Variants in NLRP6 observed in about 807,000 individuals in gnomAD.
The protein encoded by NLRP6 is NLR family pyrin domain containing 6.
Under a neutral mutation model 70.9 loss-of-function variants are expected in NLRP6, and 55 were observed. That is an observed-to-expected ratio of 0.78 (90% confidence interval 0.62 to 0.97). The LOEUF is 0.97. Among genes scored for constraint, NLRP6 ranks in the 50% least tolerant of loss-of-function variants. The probability of loss-of-function intolerance (pLI) is 0.00; values close to 1 mark genes in which losing one functional copy is unlikely to be tolerated. For synonymous variants in NLRP6, 652 were observed against 581.9 expected, an observed-to-expected ratio of 1.12 and a Z score of -1.73; for missense variants, 1,241 against 1,238.3, an observed-to-expected ratio of 1.00 and a Z score of -0.03.
rs764184179 is a variant in NLRP6, at chr11:279,910, C to A, written c.349+38C>A. On this transcript the variant is annotated intron_variant, in intron 3 of 7. Transcript: ENST00000534750. ...CTGGGGGGGCACGAGTGTCCCCAAC[C>A]CCACTTGGAGGGTCCCGGGGAGGAC... 11 of 1,490,650 alleles carry A rather than the reference C, an allele frequency of 7.4e-6. No homozygotes were observed. The African/African-American group carries it at 1.3e-4, about 18-fold the overall frequency. The allele number at this position is 1,490,650 out of a possible 1,614,324, so 92.3% of individuals were successfully genotyped here. A position where few individuals can be genotyped will look rare whatever the true frequency, so the allele number is the denominator to read the frequency against.
rs374154601 is a variant in NLRP6, at chr11:284,278, G to C, written c.2247G>C (p.Glu749Asp). The change falls in exon 6 of 8, where the codon GAG (glutamate) becomes GAC (aspartate). Residue 749 changes from glutamate (E) to aspartate (D), a missense_variant. Physicochemically the swap from Glu to Asp is conservative, Grantham distance 45. Coordinates refer to ENST00000534750, the MANE Select transcript of NLRP6 (RefSeq NM_001276700.2). ...LPDAVCRDLSEALRAAPALTE... is the reference protein window; with the variant it reads ...LPDAVCRDLSDALRAAPALTE... ...ACGCGGTCTGCCGAGACCTTTCTGA[G>C]GCCCTGAGGGCAGCCCCCGCACTGA... 1 of 1,612,950 alleles carries C rather than the reference G, an allele frequency of 6.2e-7. No homozygotes were observed. The highest frequency in any genetic ancestry group is 1.3e-5 in the African/African-American group (1 of 74,926).
At position 280,826 on chromosome 11, in the gene NLRP6, T is replaced by G; in HGVS notation, c.1092T>G (p.Asp364Glu). 2 of 1,612,932 alleles carry G rather than the reference T, an allele frequency of 1.2e-6. No homozygotes were observed. Among genetic ancestry groups the G allele is most frequent in the Non-Finnish European group, 1.7e-6 (2 of 1,179,794 alleles). The change falls in exon 4 of 8, where the codon GAT becomes GAG. Residue 364 changes from aspartate to glutamate, a missense_variant. Transcript: ENST00000534750. Reference sequence around the variant, plus strand: ...AGTATTTCTACAAGTATTTCCGGGATGAGAGGAGGGCCGAGCGCGCCTACC... The same window carrying G: ...AGTATTTCTACAAGTATTTCCGGGAGGAGAGGAGGGCCGAGCGCGCCTACC... ...KKKYFYKYFR[D>E]ERRAERAYRF...
At position 280,163 on chromosome 11, in the gene NLRP6, C is replaced by A. The variant is rs1845446657; in HGVS notation, c.429C>A (p.Ile143=). 1 of 1,551,012 alleles carries A rather than the reference C, an allele frequency of 6.4e-7. No homozygotes were observed. The highest frequency in any genetic ancestry group is 2.0e-5 in the Admixed American group (1 of 51,064). Residue 143 remains isoleucine (I), a synonymous_variant, in exon 4 of 8, where the codon ATC becomes ATA. Transcript: ENST00000534750. The stretch of plus-strand genomic sequence containing the variant: ...AGAGGAACGCCCGCTCCGTGAAGAT[C>A]ACCAAGCGCTTCACCAAGCTGCTCA... The part of the protein sequence containing the change: ...VKERNARSVK[I]TKRFTKLLIA...
Position 279,492 on chromosome 11 carries a change from G to C in NLRP6, c.195G>C (p.Ala65=). The change falls in exon 2 of 8, where the codon GCG becomes GCC. Residue 65 remains alanine, a synonymous_variant. Transcript: ENST00000534750. ...RLERADAVDL[A]EQLAQFYGPE... is the part of the protein sequence containing the mutation. ...AGCGCGCGGACGCCGTGGACCTCGC[G>C]GAGCAGCTGGCCCAGTTCTACGGCC... 1.4e-6 allele frequency: 2 copies of C among 1,447,676 alleles called. No homozygotes were observed. Among genetic ancestry groups the C allele is most frequent in the South Asian group, 1.4e-5 (1 of 73,210 alleles). The allele number at this position is 1,447,676 out of a possible 1,614,324, so 89.7% of individuals were successfully genotyped here. A position where few individuals can be genotyped will look rare whatever the true frequency, so the allele number is the denominator to read the frequency against.
At position 280,837 on chromosome 11, in the gene NLRP6, C is replaced by A. The variant is rs1211270725; in HGVS notation, c.1103C>A (p.Ala368Asp). Residue 368 changes from alanine to aspartate, a missense_variant, in exon 4 of 8, where the codon GCC becomes GAC. Physicochemically the swap from Ala to Asp is moderately radical, Grantham distance 126. Transcript: ENST00000534750. Reference protein sequence around the residue: ...FYKYFRDERRAERAYRFVKEN... With the variant: ...FYKYFRDERRDERAYRFVKEN... The stretch of plus-strand genomic sequence containing the variant: ...AAGTATTTCCGGGATGAGAGGAGGG[C>A]CGAGCGCGCCTACCGCTTCGTGAAG... 1.2e-6 allele frequency: 2 copies of A among 1,613,152 alleles called. No homozygotes were observed. Among genetic ancestry groups the A allele is most frequent in the African/African-American group, 2.7e-5 (2 of 74,950 alleles).
In NLRP6 at chr11:279,513, C is replaced by A. The variant is rs953291645; in HGVS notation, c.216C>A (p.Tyr72Ter). Residue 72 changes from tyrosine (Y) to a stop codon, truncating the protein, a stop_gained, in exon 2 of 8, where the codon TAC (tyrosine) becomes TAA (stop). Transcript: ENST00000534750. LOFTEE classifies it high-confidence loss of function. ...TCGCGGAGCAGCTGGCCCAGTTCTA[C>A]GGCCCGGAGCCTGCCCTGGAGGTGG... ...VDLAEQLAQFYGPEPALEVAR... is the reference protein window; with the variant it reads ...VDLAEQLAQF 6 of 1,455,196 alleles carry A rather than the reference C, an allele frequency of 4.1e-6. No individual in the cohort carries two copies. The highest frequency in any genetic ancestry group is 1.4e-5 in the South Asian group (1 of 74,010). 90.1% of individuals were successfully genotyped at this position (1,455,196 alleles called of 1,614,324 possible). A position where few individuals can be genotyped will look rare whatever the true frequency, so the allele number is the denominator to read the frequency against.
At position 280,396 on chromosome 11, in the gene NLRP6, C is replaced by G; in HGVS notation, c.662C>G (p.Ala221Gly). Residue 221 changes from alanine to glycine, a missense_variant, in exon 4 of 8, where the codon GCG (alanine) becomes GGG (glycine). Transcript: ENST00000534750. ...AAKKILYDWA[A>G]GKLYQGQVDF... ...AAAAAGATCCTGTACGACTGGGCGG[C>G]GGGCAAGCTGTACCAGGGCCAGGTG... 6.4e-7 allele frequency: 1 copy of G among 1,569,332 alleles called. No homozygotes were observed. Among genetic ancestry groups the G allele is most frequent in the Middle Eastern group, 1.7e-4 (1 of 5,994 alleles).
chr11:285,112 C>T lies in NLRP6; in HGVS notation c.2538-54C>T, dbSNP rs1310013050. On this transcript the variant is annotated intron_variant, in intron 7 of 7. Coordinates refer to ENST00000534750, the MANE Select transcript of NLRP6 (RefSeq NM_001276700.2). The stretch of plus-strand genomic sequence containing the variant: ...TGCCCCCACGGCACTGCCCCCAAGC[C>T]CTGGCTGCTTTCCCCCACCGCTGAC... 4 of 1,541,966 alleles carry T rather than the reference C, an allele frequency of 2.6e-6. No individual in the cohort carries two copies. In the African/African-American group the frequency reaches 4.1e-5, roughly 16 times the overall value.
In NLRP6 at chr11:282,798, G is replaced by T; in HGVS notation, c.2198+1G>T. ...CACTGTGCCATCTGAGCAGCCTCACGTGAGTGGCCACACCCCCAGCTCTTC... is the reference window on the plus strand; with the variant it reads ...CACTGTGCCATCTGAGCAGCCTCACTTGAGTGGCCACACCCCCAGCTCTTC... On this transcript the variant is annotated splice_donor_variant, in intron 5 of 7. Coordinates refer to ENST00000534750, the MANE Select transcript of NLRP6 (RefSeq NM_001276700.2). LOFTEE classifies it high-confidence loss of function. 1 of 1,605,922 alleles carries T rather than the reference G, an allele frequency of 6.2e-7. No individual in the cohort carries two copies. The highest frequency in any genetic ancestry group is 8.5e-7 in the Non-Finnish European group (1 of 1,172,648).
intron 5 of NLRP6, among the ~76,000 whole-genome samples, chr11:283,792 A>C (rs556021008): frequency 5.9e-5 from 9 of 152,228 alleles, no homozygotes; most frequent in African/African-American, 2.2e-4. Flanking sequence ...TCTGGAGATA[A>C]ACATAAGAAC....
rs1331269431 is a variant in NLRP6 at position 280,926 on chromosome 11, C to T, written c.1192C>T (p.Leu398=). 2 of 1,613,140 alleles carry T rather than the reference C, an allele frequency of 1.2e-6. No homozygotes were observed. Among genetic ancestry groups the T allele is most frequent in the African/African-American group, 2.7e-5 (2 of 74,950 alleles). ...PFVCWIVCTV[L]RQQLELGRDL... is the part of the protein sequence containing the mutation. ...CGTGTGCTGGATCGTGTGCACCGTG[C>T]TGCGCCAGCAGCTGGAGCTCGGTCG... The change falls in exon 4 of 8, where the codon CTG becomes TTG. Residue 398 remains leucine, a synonymous_variant. Coordinates refer to ENST00000534750, the MANE Select transcript of NLRP6 (RefSeq NM_001276700.2).
Position 285,259 on chromosome 11 carries a change from G to A in NLRP6, c.2631G>A (p.Leu877=). 2 of 1,608,202 alleles carry A rather than the reference G, an allele frequency of 1.2e-6. No individual in the cohort carries two copies. Among genetic ancestry groups the A allele is most frequent in the South Asian group, 1.1e-5 (1 of 89,806 alleles). The part of the protein sequence containing the change: ...KPDLVITHPA[L]DGHPQPPKEL... ...ATCTGGTCATCACACACCCAGCGCT[G>A]GACGGCCACCCACAACCTCCCAAGG... is the stretch of plus-strand genomic sequence containing the variant. Residue 877 remains leucine, a synonymous_variant, in exon 8 of 8, where the codon CTG becomes CTA. Coordinates refer to ENST00000534750, the MANE Select transcript of NLRP6 (RefSeq NM_001276700.2).
intron 7 of NLRP6, 63 bp downstream of exon 7, chr11:284,705 G>A (rs1590273550): frequency 2.7e-6 from 4 of 1,481,742 alleles, no homozygotes; most frequent in East Asian, 4.8e-5. Context: ...GGGGGAGGGT[G>A]CCTGGGGGCT....
At position 278,720 on chromosome 11, in the gene NLRP6, C is replaced by A. The variant is rs766810150; in HGVS notation, c.29+122C>A. 10 of 674,648 alleles carry A rather than the reference C, an allele frequency of 1.5e-5. No individual in the cohort carries two copies. The highest frequency in any genetic ancestry group is 3.5e-5 in the Admixed American group (1 of 28,198). 41.8% of individuals were successfully genotyped at this position (674,648 alleles called of 1,614,324 possible). A position where few individuals can be genotyped will look rare whatever the true frequency, so the allele number is the denominator to read the frequency against. ...TGTCCACATCCTTCCCCCACCCTCA[C>A]TCCCAGGCTCAGGAGCCAAGCACTG... On this transcript the variant is annotated intron_variant, in intron 1 of 7. Coordinates refer to ENST00000534750, the MANE Select transcript of NLRP6 (RefSeq NM_001276700.2). The surrounding 1 kb of genome is among the most constrained non-coding windows in gnomAD (Gnocchi z 4.7).
At position 281,825 on chromosome 11, in the gene NLRP6, C is replaced by A; in HGVS notation, c.2091C>A (p.Ser697Arg). The change falls in exon 4 of 8, where the codon AGC (serine) becomes AGA (arginine). Residue 697 changes from serine to arginine, a missense_variant. Ser to Arg is a moderately radical substitution (Grantham distance 110). Transcript: ENST00000534750. ...GCCTGGGGAAGCGGCTCCAGGCCAGCCTGGGTGGCGGCAGGTGCGTCTCCA... is the reference window on the plus strand; with the variant it reads ...GCCTGGGGAAGCGGCTCCAGGCCAGACTGGGTGGCGGCAGGTGCGTCTCCA... The part of the protein sequence containing the change: ...KKSLGKRLQA[S>R]LGGGSSQGTT... The A allele has an allele frequency of 6.3e-7, 1 of 1,579,290 alleles. No individual in the cohort carries two copies.
At chr11:284,154 C>T (rs912086518) in intron 5 of NLRP6, 76 bp from the exon 6 acceptor site, 95 of 1,354,534 alleles carry the variant, frequency 7.0e-5, no homozygotes, top group Middle Eastern at 1.8e-4. Flanking sequence ...CACCGGGCAG[C>T]GGGCATTTTG....
In NLRP6 at chr11:281,341, C is replaced by G; in HGVS notation, c.1607C>G (p.Pro536Arg). ...VGTLLRGDAQ[P>R]HSHLVLTTRF... ...ACACTCCTGCGTGGGGACGCCCAGC[C>G]GCACAGCCACTTGGTGCTCACCACG... Residue 536 changes from proline to arginine, a missense_variant, in exon 4 of 8, where the codon CCG becomes CGG. By Grantham distance (103) the Pro-to-Arg change is moderately radical. Coordinates refer to ENST00000534750, the MANE Select transcript of NLRP6 (RefSeq NM_001276700.2). 1 of 1,610,126 alleles carries G rather than the reference C, an allele frequency of 6.2e-7. No individual in the cohort carries two copies. The highest frequency in any genetic ancestry group is 8.5e-7 in the Non-Finnish European group (1 of 1,178,880).
At chr11:284,445 C>G (rs1845527290) in intron 6 of NLRP6, 30 bp from the exon 7 acceptor site, 1 of 1,605,876 alleles carries the variant, frequency 6.2e-7, no homozygotes, top group Non-Finnish European at 8.5e-7. Context: ...CCCGCCACCC[C>G]AGCAGCTCCT....
chr11:282,943 C>A (rs139856256), intron 5 of NLRP6, 146 bp downstream of exon 5: 6 of 687,928 alleles, frequency 8.7e-6, no homozygotes, highest in Non-Finnish European at 1.6e-5. Context: ...GCAGGCTCTG[C>A]CCACACAGAG....
Sources: allele counts gnomAD v4.1 joint callset (sites outside exome capture counted in the v4.1 genomes callset), GRCh38; gene constraint gnomAD v4.1.1; non-coding constraint Gnocchi (gnomAD v3.1); transcripts MANE v1.5; gene names NCBI Gene and HGNC (gene_info 2026-07-23, HGNC 2026-07-21).